Variants in AHI1 observed in about 807,000 individuals in gnomAD.
AHI1 encodes Abelson helper integration site 1, also known as jouberin.
AHI1 carries 123 observed loss-of-function variants against 149.3 expected under a neutral mutation model. The observed-to-expected ratio is 0.82, with a 90% CI of 0.71 to 0.96. The LOEUF (loss-of-function observed/expected upper bound fraction) is 0.96. Ranked by LOEUF, AHI1 falls within the 40% of genes least tolerant of loss-of-function variation. The probability of loss-of-function intolerance (pLI) is 0.00; values close to 1 mark genes in which losing one functional copy is unlikely to be tolerated. For synonymous variants in AHI1, 475 were observed against 459.8 expected, an observed-to-expected ratio of 1.03 and a Z score of -0.42; for missense variants, 1,439 against 1,422.7, an observed-to-expected ratio of 1.01 and a Z score of -0.18.
At chr6:135,324,770 C>G (rs748429335) in intron 24 of AHI1, among the ~76,000 whole-genome samples, 135 of 151,986 alleles carry the variant, frequency 8.9e-4, no homozygotes, top group Non-Finnish European at 1.3e-3. Context: ...AATGGAAAGG[C>G]ACAGAAAGGT....
intron 24 of AHI1, among the ~76,000 whole-genome samples, chr6:135,324,295 T>C (rs1159672739): frequency 1.3e-5 from 2 of 151,990 alleles, no homozygotes; most frequent in Admixed American, 6.6e-5. Flanking sequence ...ACTACTACAC[T>C]TCAGCCTGGG....
intron 23 of AHI1, among the ~76,000 whole-genome samples, chr6:135,374,401 C>A (rs776622535): frequency 6.6e-6 from 1 of 151,942 alleles, no homozygotes. Flanking sequence ...CGTGAGCCAC[C>A]GCGCTCGGCC....
In AHI1 at chr6:135,458,592, G is replaced by T. The variant is rs553603074; in HGVS notation, c.932-879C>A. 2.0e-5 allele frequency among the ~76,000 whole-genome samples: 3 copies of T among 152,254 alleles called. No homozygotes were observed. In the South Asian group the frequency reaches 6.2e-4, roughly 32 times the overall value. ...GACCAAGAGCAACTTTTCATCTGGG[G>T]TCATCTACCAATTCTGGTCACAGTT... On this transcript the variant is annotated intron_variant, in intron 8 of 28. Coordinates refer to ENST00000265602, the MANE Select transcript of AHI1 (RefSeq NM_001134831.2).
intron 23 of AHI1, among the ~76,000 whole-genome samples, chr6:135,391,969 T>TA (rs1379867664): frequency 6.2e-4 from 94 of 152,090 alleles, no homozygotes; most frequent in Non-Finnish European, 1.3e-4. Context: ...TAGGAAAACT[T>TA]GGTAGTAGGG....
At chr6:135,469,855 T>C (rs915457630) in intron 5 of AHI1, among the ~76,000 whole-genome samples, 1 of 152,084 alleles carries the variant, frequency 6.6e-6, no homozygotes, top group Non-Finnish European at 1.5e-5. Flanking sequence ...CCCAAAACTA[T>C]GAAAACCCTA....
chr6:135,405,859 C>CAA (rs543403253), intron 21 of AHI1, among the ~76,000 whole-genome samples: 8 of 29,380 alleles, frequency 2.7e-4, no homozygotes, highest in Admixed American at 6.6e-4. Context: ...GACTCCAACT[C>CAA]AAAAAAAAAA....
chr6:135,310,157 T>C (rs942489561), intron 26 of AHI1, among the ~76,000 whole-genome samples: 1 of 152,204 alleles, frequency 6.6e-6, no homozygotes, highest in African/African-American at 2.4e-5. Flanking sequence ...AATTTGTTGT[T>C]GGACTTAATA....
intron 20 of AHI1, among the ~76,000 whole-genome samples, chr6:135,415,606 T>G (rs1316740822): frequency 6.6e-6 from 1 of 152,220 alleles, no homozygotes; most frequent in Non-Finnish European, 1.5e-5. Context: ...GGCAGCTTCT[T>G]AAGAAGTCAA....
chr6:135,299,087 T>G (rs1004558013), intron 27 of AHI1, among the ~76,000 whole-genome samples: 1 of 152,148 alleles, frequency 6.6e-6, no homozygotes, highest in African/African-American at 2.4e-5. Context: ...TACTATTATG[T>G]AAAATTTTAA....
rs184637238 is a variant in AHI1 at position 135,436,872 on chromosome 6, G to A, written c.2036+1503C>T. ...CCACCTCGGCTTCCCAAAGTGCTGG[G>A]ATTACAGGCATAAGCCACTGCGCCC... On this transcript the variant is annotated intron_variant, in intron 15 of 28. Transcript: ENST00000265602. Among the ~76,000 whole-genome samples the A allele has an allele frequency of 5.3e-5, 8 of 152,280 alleles. No homozygotes were observed. In the East Asian group the frequency reaches 1.5e-3, roughly 29 times the overall value.
intron 5 of AHI1, 177 bp downstream of exon 5, chr6:135,490,446 T>G: frequency 1.4e-6 from 1 of 732,676 alleles, no homozygotes; most frequent in Non-Finnish European, 2.2e-6. Flanking sequence ...GAAGTCAATA[T>G]TCTCACAGTG....
At chr6:135,379,125 A>G (rs1410046790) in intron 23 of AHI1, among the ~76,000 whole-genome samples, 1 of 152,236 alleles carries the variant, frequency 6.6e-6, no homozygotes, top group Non-Finnish European at 1.5e-5. Context: ...TGATTGAGCA[A>G]GCTATTAGAT....
At chr6:135,360,714 G>A (rs1019780632) in intron 23 of AHI1, among the ~76,000 whole-genome samples, 5 of 152,146 alleles carry the variant, frequency 3.3e-5, no homozygotes, top group Non-Finnish European at 5.9e-5. Context: ...CAACATAATT[G>A]TGTAGGAATA....
At chr6:135,311,310 A>G (rs532296872) in intron 26 of AHI1, among the ~76,000 whole-genome samples, 2 of 152,022 alleles carry the variant, frequency 1.3e-5, no homozygotes, top group South Asian at 4.1e-4. Flanking sequence ...TCAAAAAAAA[A>G]AAAAAAAAAA....
intron 24 of AHI1, among the ~76,000 whole-genome samples, chr6:135,344,040 T>C (rs1369067022): frequency 6.6e-6 from 1 of 151,996 alleles, no homozygotes; most frequent in Non-Finnish European, 1.5e-5. Context: ...GGATTCCCCT[T>C]GGACAACAAA....
chr6:135,322,351 T>C (rs1349573872), intron 25 of AHI1, among the ~76,000 whole-genome samples: 4 of 152,220 alleles, frequency 2.6e-5, no homozygotes, highest in Non-Finnish European at 5.9e-5. Context: ...TCCCCTTTAA[T>C]GACAGTTTTA....
At chr6:135,429,078 A>C (rs955907494) in intron 18 of AHI1, among the ~76,000 whole-genome samples, 6 of 151,710 alleles carry the variant, frequency 4.0e-5, no homozygotes, top group African/African-American at 1.4e-4. Context: ...GCTATAGAGC[A>C]AGAGAGACTA....
rs1200895051 is a variant in AHI1 at position 135,366,367 on chromosome 6, ATTC to A, written c.3110-8183_3110-8181del. Among the ~76,000 whole-genome samples, 6 of 152,284 alleles carry A rather than the reference ATTC, an allele frequency of 3.9e-5. No homozygotes were observed. In the East Asian group the frequency reaches 1.2e-3, roughly 29 times the overall value. The stretch of plus-strand genomic sequence containing the variant: ...AATAGTGTCAGGAGGATTGGTAACA[ATTC>A]TTCTTTGAATGTCTGATAGAATTCA... On this transcript the variant is annotated intron_variant, in intron 23 of 28. Transcript: ENST00000265602.
intron 24 of AHI1, among the ~76,000 whole-genome samples, chr6:135,343,857 A>C (rs1215521124): frequency 6.6e-6 from 1 of 152,018 alleles, no homozygotes. Context: ...TAGATATAAC[A>C]TCATAGGTAT....
Sources: gnomAD v4.1 joint callset for allele counts (sites outside exome capture counted in the v4.1 genomes callset) on GRCh38, gnomAD v4.1.1 for gene constraint, MANE v1.5 for transcripts, NCBI Gene and HGNC (gene_info 2026-07-23, HGNC 2026-07-21) for gene names.